Variants in MGAT5 observed in about 807,000 individuals in gnomAD.
The protein encoded by MGAT5 is alpha-1,6-mannosylglycoprotein 6-beta-N-acetylglucosaminyltransferase.
MGAT5 carries 30 observed loss-of-function variants against 94.3 expected under a neutral mutation model. The ratio of observed to expected loss-of-function variants is 0.32; its 90% CI spans 0.24 to 0.43. The LOEUF (loss-of-function observed/expected upper bound fraction) is 0.43. Among genes scored for constraint, MGAT5 ranks in the 20% least tolerant of loss-of-function variants. The probability of loss-of-function intolerance (pLI) is 1.00; values close to 1 mark genes in which losing one functional copy is unlikely to be tolerated. For synonymous variants in MGAT5, 310 were observed against 322.9 expected (o/e 0.96, Z 0.43); for missense variants, 691 against 905.5 (o/e 0.76, Z 3.04).
chr2:134,416,545 C>T (rs1683983143), intron 12 of MGAT5, among the ~76,000 whole-genome samples: 1 of 149,260 alleles, frequency 6.7e-6, no homozygotes, highest in Non-Finnish European at 1.5e-5. Context: ...GATCATGGCT[C>T]ACTGCAGTCT....
In MGAT5 at chr2:134,189,179, A is replaced by G. The variant is rs376682299; in HGVS notation, c.-142-65083A>G. On this transcript the variant is annotated intron_variant, in intron 1 of 16. Coordinates refer to the MGAT5 transcript ENST00000409645. ...GTACAACCACATGGCCAATGATTCA[A>G]TTTCCAGTCCCCTCCTTTCCCCTCT... Among the ~76,000 whole-genome samples, 37 of 152,180 alleles carry G rather than the reference A, an allele frequency of 2.4e-4. 1 individual carries two copies. In the South Asian group the frequency reaches 7.5e-3, roughly 31 times the overall value.
At chr2:134,181,066 A>G (rs1351258227) in intron 1 of MGAT5, among the ~76,000 whole-genome samples, 1 of 152,208 alleles carries the variant, frequency 6.6e-6, no homozygotes, top group Non-Finnish European at 1.5e-5. Context: ...TTCAAAAGGT[A>G]CTTTGAAGCC....
At chr2:134,260,268 CTA>C (rs1175663652) in intron 1 of MGAT5, among the ~76,000 whole-genome samples, 1 of 152,198 alleles carries the variant, frequency 6.6e-6, no homozygotes, top group Non-Finnish European at 1.5e-5. Context: ...ACTGCTTTCT[CTA>C]TGGGAGGAAG....
chr2:134,228,955 G>C (rs879702664), intron 1 of MGAT5, among the ~76,000 whole-genome samples: 4 of 152,208 alleles, frequency 2.6e-5, no homozygotes, highest in Non-Finnish European at 5.9e-5. Flanking sequence ...CAGTCTGAGG[G>C]ATAGTGGTTA....
chr2:134,169,439 C>T lies in MGAT5; in HGVS notation c.-143+49148C>T, dbSNP rs1047472552. ...ACACACACACACACACACACACACA[C>T]ATATATAAAAGATTGAATTGTACTT... On this transcript the variant is annotated intron_variant, in intron 1 of 16. Coordinates refer to the MGAT5 transcript ENST00000409645. Among the ~76,000 whole-genome samples the T allele has an allele frequency of 1.4e-4, 19 of 139,452 alleles. No individual in the cohort carries two copies. The East Asian group carries it at 2.9e-3, about 21-fold the overall frequency. The allele number at this position is 139,452 out of a possible 152,430, so 91.5% of individuals were successfully genotyped here.
At chr2:134,321,418 T>C (rs1311843599) in intron 4 of MGAT5, among the ~76,000 whole-genome samples, 1 of 151,970 alleles carries the variant, frequency 6.6e-6, no homozygotes, top group African/African-American at 2.4e-5. Flanking sequence ...GCATGGAGAG[T>C]GATCCAAATG....
chr2:134,354,056 C>CA (rs1679562829), intron 9 of MGAT5, among the ~76,000 whole-genome samples: 1 of 152,114 alleles, frequency 6.6e-6, no homozygotes, highest in Admixed American at 6.6e-5. Flanking sequence ...CCTTTTGGGT[C>CA]AATGTGGCTA....
intron 1 of MGAT5, among the ~76,000 whole-genome samples, chr2:134,173,186 C>G (rs1688300458): frequency 6.6e-6 from 1 of 152,186 alleles, no homozygotes; most frequent in Non-Finnish European, 1.5e-5. Flanking sequence ...TTTAATCCAT[C>G]CTTTCATGTC....
chr2:134,271,190 A>C (rs183330908), intron 2 of MGAT5, among the ~76,000 whole-genome samples: 1 of 152,118 alleles, frequency 6.6e-6, no homozygotes, highest in Admixed American at 6.6e-5. Flanking sequence ...TATACGCTGC[A>C]TGTTGTTGCC....
intron 10 of MGAT5, among the ~76,000 whole-genome samples, chr2:134,364,551 G>A (rs762176142): frequency 1.3e-5 from 2 of 152,160 alleles, no homozygotes; most frequent in African/African-American, 4.8e-5. Flanking sequence ...AAGTGATCTG[G>A]AGTGAGATTT....
intron 1 of MGAT5, among the ~76,000 whole-genome samples, chr2:134,137,198 T>C (rs1415501173): frequency 6.6e-6 from 1 of 152,194 alleles, no homozygotes; most frequent in Admixed American, 6.5e-5. Context: ...AAGAAATAGG[T>C]CTCTGCCCAA....
chr2:134,128,623 A>G (rs984556868), intron 1 of MGAT5, among the ~76,000 whole-genome samples: 8 of 152,004 alleles, frequency 5.3e-5, no homozygotes, highest in African/African-American at 1.9e-4. Context: ...CAGTGGTGCA[A>G]TCATAGCTCA....
chr2:134,255,484 T>TAC (rs1254754521), intron 1 of MGAT5, among the ~76,000 whole-genome samples: 1 of 143,316 alleles, frequency 7.0e-6, no homozygotes, highest in East Asian at 1.9e-4. Flanking sequence ...TATACATATA[T>TAC]ACATATATAT....
intron 1 of MGAT5, among the ~76,000 whole-genome samples, chr2:134,141,320 G>C (rs530815029): frequency 6.6e-6 from 1 of 152,188 alleles, no homozygotes; most frequent in Non-Finnish European, 1.5e-5. Flanking sequence ...GGACTGATAT[G>C]GGGGGATGTG....
intron 10 of MGAT5, among the ~76,000 whole-genome samples, chr2:134,378,868 A>C (rs1300000310): frequency 6.6e-6 from 1 of 152,186 alleles, no homozygotes; most frequent in Non-Finnish European, 1.5e-5. Context: ...CACCTGCCTC[A>C]GTTTCCCAAA....
At chr2:134,341,018 A>G (rs1251258052) in intron 6 of MGAT5, among the ~76,000 whole-genome samples, 2 of 152,196 alleles carry the variant, frequency 1.3e-5, no homozygotes, top group Admixed American at 1.3e-4. Context: ...ATATTTTTCA[A>G]GTGAAGGTTT....
chr2:134,397,432 GC>G (rs143535647), intron 10 of MGAT5, among the ~76,000 whole-genome samples: 552 of 152,238 alleles, frequency 3.6e-3, no homozygotes, highest in Non-Finnish European at 6.7e-3. Flanking sequence ...ACATTGGGCT[GC>G]CTGGACTCTC....
At chr2:134,172,468 G>A (rs541539985) in intron 1 of MGAT5, among the ~76,000 whole-genome samples, 21 of 151,922 alleles carry the variant, frequency 1.4e-4, no homozygotes, top group Non-Finnish European at 2.8e-4. Context: ...CTCACTGCAA[G>A]CTCCGCCTCC....
intron 2 of MGAT5, among the ~76,000 whole-genome samples, chr2:134,281,086 AT>A (rs1319146441): frequency 6.6e-6 from 1 of 152,162 alleles, no homozygotes; most frequent in Non-Finnish European, 1.5e-5. Flanking sequence ...TGCTGTTAGC[AT>A]TTTATTATAC....
Sources: gnomAD v4.1 joint callset for allele counts (sites outside exome capture counted in the v4.1 genomes callset) on GRCh38, gnomAD v4.1.1 for gene constraint, MANE v1.5 for transcripts, NCBI Gene and HGNC (gene_info 2026-07-23, HGNC 2026-07-21) for gene names.